PTPRT: variants seen among roughly 807,000 people sequenced by gnomAD.
The protein encoded by PTPRT is protein tyrosine phosphatase receptor type T.
PTPRT carries 56 observed loss-of-function variants against 176.8 expected under a neutral mutation model. The observed-to-expected ratio is 0.32, with a 90% confidence interval of 0.26 to 0.40. The LOEUF (loss-of-function observed/expected upper bound fraction) is 0.40, where lower values mean the gene tolerates loss of function less well. Among genes scored for constraint, PTPRT ranks in the 10% least tolerant of loss-of-function variants. The pLI is 1.00. For missense variants in PTPRT, 1,540 were observed against 1,908.2 expected (o/e 0.81, Z 3.60); for synonymous variants, 783 against 739.0 (o/e 1.06, Z -0.96).
At chr20:42,686,142 C>A (rs3092592) in intron 6 of PTPRT, 47,070 of 152,062 alleles carry the variant, frequency 0.31, 7,555 homozygotes, top group African/African-American at 0.36. Context: ...ATTTTTCTCT[C>A]CATAGTGACA....
chr20:42,487,710 G>A (rs2071487937), intron 7 of PTPRT, among the ~76,000 whole-genome samples: 1 of 152,150 alleles, frequency 6.6e-6, no homozygotes, highest in African/African-American at 2.4e-5. Flanking sequence ...CTCCCCCAGA[G>A]TCGACGGAAG....
At chr20:42,931,681 C>T (rs944914528) in intron 1 of PTPRT, among the ~76,000 whole-genome samples, 2 of 152,170 alleles carry the variant, frequency 1.3e-5, no homozygotes, top group South Asian at 2.1e-4. Flanking sequence ...TAATACATGC[C>T]GCTGCAAGAT....
At chr20:42,266,554 A>C (rs76633430) in intron 13 of PTPRT, among the ~76,000 whole-genome samples, 6,410 of 152,264 alleles carry the variant, frequency 0.042, 428 homozygotes, top group African/African-American at 0.14. Flanking sequence ...TCACTGCAGA[A>C]AAGTGCCCAA....
At chr20:42,990,003 T>C (rs1468283069) in intron 1 of PTPRT, among the ~76,000 whole-genome samples, 2 of 152,246 alleles carry the variant, frequency 1.3e-5, no homozygotes, top group African/African-American at 2.4e-5. Context: ...GGTGCTTTGT[T>C]TCTTATAGGC....
intron 14 of PTPRT, among the ~76,000 whole-genome samples, chr20:42,243,944 C>T (rs906814713): frequency 1.3e-5 from 2 of 152,086 alleles, no homozygotes; most frequent in East Asian, 1.9e-4. Context: ...TGATTGCAAC[C>T]CTGCCATTAG....
At chr20:42,483,982 C>G (rs955368529) in intron 7 of PTPRT, among the ~76,000 whole-genome samples, 2 of 152,234 alleles carry the variant, frequency 1.3e-5, no homozygotes, top group African/African-American at 4.8e-5. Flanking sequence ...GCATTTGGAT[C>G]TAGCTTGCAG....
chr20:42,925,822 A>C lies in PTPRT; in HGVS notation c.89-39890T>G, dbSNP rs185059494. ...CCTTGAGAGAATTCAGAGCAGCTGA[A>C]GAAAAGAGGGCTTCATTCCCTGGCA... On this transcript the variant is annotated intron_variant, in intron 1 of 30. Transcript: ENST00000373187. Among the ~76,000 whole-genome samples, 51 of 152,338 alleles carry C rather than the reference A, an allele frequency of 3.3e-4. No individual in the cohort carries two copies. In the East Asian group the frequency reaches 8.3e-3, roughly 25 times the overall value.
chr20:42,356,688 C>T (rs1418108460), intron 9 of PTPRT, among the ~76,000 whole-genome samples: 1 of 152,090 alleles, frequency 6.6e-6, no homozygotes, highest in East Asian at 1.9e-4. Flanking sequence ...AAGAGTGAAA[C>T]TCCCTCTCAA....
At chr20:42,055,548 AG>A in the PTPRT span, among the ~76,000 whole-genome samples, 1 of 152,180 alleles carries the variant, frequency 6.6e-6, no homozygotes, top group Non-Finnish European at 1.5e-5. Flanking sequence ...TCTGGGGGCA[AG>A]GGATGTGGTT....
intron 7 of PTPRT, among the ~76,000 whole-genome samples, chr20:42,512,510 C>T (rs1443110925): frequency 6.6e-6 from 1 of 152,064 alleles, no homozygotes; most frequent in African/African-American, 2.4e-5. Flanking sequence ...GAGGATGTAC[C>T]ACATCTCCTT....
At chr20:42,532,960 T>C (rs2072411381) in intron 7 of PTPRT, among the ~76,000 whole-genome samples, 1 of 152,054 alleles carries the variant, frequency 6.6e-6, no homozygotes, top group South Asian at 2.1e-4. Flanking sequence ...GCCTCTCAAA[T>C]CCCCACTCTT....
chr20:42,241,697 C>T (rs978707354), intron 14 of PTPRT, among the ~76,000 whole-genome samples: 2 of 151,976 alleles, frequency 1.3e-5, no homozygotes, highest in Non-Finnish European at 2.9e-5. Flanking sequence ...CTTCCAAGTT[C>T]TCAGCTTAAG....
chr20:42,188,142 C>G (rs1439091044), intron 16 of PTPRT, among the ~76,000 whole-genome samples: 1 of 152,202 alleles, frequency 6.6e-6, no homozygotes, highest in African/African-American at 2.4e-5. Context: ...TCTTCTGCTT[C>G]AAATCTGGCC....
chr20:43,091,520 T>A (rs1269541362), intron 1 of PTPRT, among the ~76,000 whole-genome samples: 1 of 130,694 alleles, frequency 7.7e-6, no homozygotes. Context: ...CCCCCTCTCT[T>A]TCTCTCTCTC....
At chr20:42,099,551 G>T (rs1186901989) in intron 26 of PTPRT, among the ~76,000 whole-genome samples, 10 of 64,960 alleles carry the variant, frequency 1.5e-4, no homozygotes, top group African/African-American at 2.7e-4. Context: ...CTGGGCGGGG[G>T]GGGGGGGGGT....
At chr20:42,397,746 G>A (rs1010841553) in intron 9 of PTPRT, among the ~76,000 whole-genome samples, 2 of 152,148 alleles carry the variant, frequency 1.3e-5, no homozygotes, top group African/African-American at 4.8e-5. Flanking sequence ...GTGCTGTGAT[G>A]AACATACATC....
At chr20:42,216,715 A>G (rs1042383447) in intron 15 of PTPRT, among the ~76,000 whole-genome samples, 1 of 152,170 alleles carries the variant, frequency 6.6e-6, no homozygotes, top group Non-Finnish European at 1.5e-5. Context: ...GCATCGTCCC[A>G]TATTTGAGCT....
At chr20:42,275,307 C>T (rs923977686) in intron 13 of PTPRT, among the ~76,000 whole-genome samples, 16 of 152,198 alleles carry the variant, frequency 1.1e-4, no homozygotes, top group Non-Finnish European at 5.9e-5. Context: ...TCTAGCCTAC[C>T]CCAAATGTGT....
intron 12 of PTPRT, among the ~76,000 whole-genome samples, chr20:42,307,989 A>T (rs2057569428): frequency 1.3e-5 from 2 of 152,132 alleles, no homozygotes; most frequent in South Asian, 4.1e-4. Context: ...AGCATGCTAA[A>T]AGCCACTTCT....
Sources: allele counts gnomAD v4.1 joint callset (sites outside exome capture counted in the v4.1 genomes callset), GRCh38; gene constraint gnomAD v4.1.1; transcripts MANE v1.5; gene names NCBI Gene and HGNC (gene_info 2026-07-23, HGNC 2026-07-21).